AGBL4: variants seen among roughly 807,000 people sequenced by gnomAD.
AGBL4 encodes the protein AGBL carboxypeptidase 4, also known as cytosolic carboxypeptidase 6.
In AGBL4, 58 loss-of-function variants were observed where a neutral mutation model predicts 66.4. That is an observed-to-expected ratio of 0.87 (90% CI 0.71 to 1.09). The LOEUF (loss-of-function observed/expected upper bound fraction) is 1.09. AGBL4 is among the 50% of genes least tolerant of loss of function. The probability of loss-of-function intolerance (pLI) is 0.00; values close to 1 mark genes in which losing one functional copy is unlikely to be tolerated. For synonymous variants in AGBL4, 234 were observed against 222.9 expected (o/e 1.05, Z -0.44); for missense variants, 579 against 631.0 (o/e 0.92, Z 0.88).
intron 5 of AGBL4, among the ~76,000 whole-genome samples, chr1:48,882,353 A>C (rs1298063670): frequency 1.3e-5 from 2 of 152,028 alleles, no homozygotes; most frequent in African/African-American, 4.8e-5. Flanking sequence ...AACAAATTTC[A>C]TTTACTTTTT....
At chr1:49,965,186 A>G (rs1657453592) in intron 1 of AGBL4, among the ~76,000 whole-genome samples, 1 of 152,198 alleles carries the variant, frequency 6.6e-6, no homozygotes, top group African/African-American at 2.4e-5. Flanking sequence ...ATTTCTCACA[A>G]TCCCATGCTC....
intron 4 of AGBL4, 57 bp downstream of exon 4, chr1:49,245,713 T>G (rs1201987596): frequency 3.8e-6 from 5 of 1,308,732 alleles, no homozygotes; most frequent in Non-Finnish European, 5.4e-6. Flanking sequence ...TGTATATGTA[T>G]GGGGTCTGGG....
intron 1 of AGBL4, among the ~76,000 whole-genome samples, chr1:50,016,082 T>C (rs935415251): frequency 2.0e-5 from 3 of 152,126 alleles, no homozygotes; most frequent in Admixed American, 1.3e-4. Flanking sequence ...GATTTGATGA[T>C]GGAGACATGA....
intron 4 of AGBL4, among the ~76,000 whole-genome samples, chr1:49,181,100 G>A (rs1646923281): frequency 6.6e-6 from 1 of 152,030 alleles, no homozygotes; most frequent in Admixed American, 6.6e-5. Context: ...GAGGGACAAG[G>A]ACATATTTAG....
At chr1:49,355,291 T>C (rs1643996722) in intron 3 of AGBL4, among the ~76,000 whole-genome samples, 1 of 152,194 alleles carries the variant, frequency 6.6e-6, no homozygotes, top group Admixed American at 6.5e-5. Context: ...ATTATAAATA[T>C]TAGCAAATGG....
intron 3 of AGBL4, among the ~76,000 whole-genome samples, chr1:49,393,884 AT>A: frequency 6.6e-6 from 1 of 152,320 alleles, no homozygotes; most frequent in South Asian, 2.1e-4. Context: ...TCACAACAAA[AT>A]TTGTTGAACA....
chr1:48,933,414 A>AT (rs1292308887), intron 5 of AGBL4, among the ~76,000 whole-genome samples: 1 of 152,214 alleles, frequency 6.6e-6, no homozygotes, highest in African/African-American at 2.4e-5. Flanking sequence ...CCCATATCAT[A>AT]TCAAGAAGTC....
chr1:49,014,830 G>A (rs996683515), intron 5 of AGBL4, among the ~76,000 whole-genome samples: 6 of 152,132 alleles, frequency 3.9e-5, no homozygotes, highest in African/African-American at 1.4e-4. Context: ...ACTTCTGAGA[G>A]TGAAAGACAA....
intron 4 of AGBL4, among the ~76,000 whole-genome samples, chr1:49,225,128 T>C (rs1012852081): frequency 6.6e-6 from 1 of 152,190 alleles, no homozygotes; most frequent in Non-Finnish European, 1.5e-5. Flanking sequence ...AGTTTATTCA[T>C]TCAATCAACC....
At chr1:50,014,976 A>G (rs1257327112) in intron 1 of AGBL4, among the ~76,000 whole-genome samples, 1 of 152,200 alleles carries the variant, frequency 6.6e-6, no homozygotes, top group Non-Finnish European at 1.5e-5. Flanking sequence ...AATGTTTAAG[A>G]ATCTGAGGAG....
intron 6 of AGBL4, chr1:48,776,839 GCCGGGGGCGGGCC>G (rs1645118673): frequency 1.3e-6 from 2 of 1,495,436 alleles, no homozygotes; most frequent in Admixed American, 2.4e-5. Flanking sequence ...CATGGTGGGC[GCCGGGGGCGGGCC>G]CCGGTCGGGC....
At chr1:49,426,465 C>T (rs1645661650) in intron 3 of AGBL4, among the ~76,000 whole-genome samples, 1 of 152,134 alleles carries the variant, frequency 6.6e-6, no homozygotes, top group Admixed American at 6.6e-5. Context: ...TTTCTGTTAA[C>T]TATATAAACC....
At chr1:48,717,898 A>G (rs1174436260) in intron 6 of AGBL4, among the ~76,000 whole-genome samples, 2 of 152,198 alleles carry the variant, frequency 1.3e-5, no homozygotes, top group African/African-American at 2.4e-5. Flanking sequence ...AATATAGACT[A>G]TAATGCTAAG....
At chr1:49,905,873 G>A (rs1650223156) in intron 1 of AGBL4, among the ~76,000 whole-genome samples, 1 of 151,958 alleles carries the variant, frequency 6.6e-6, no homozygotes, top group Admixed American at 6.6e-5. Flanking sequence ...TACTTCTTGA[G>A]TCTGTATGTA....
At chr1:49,062,477 G>A (rs1375560338) in intron 4 of AGBL4, among the ~76,000 whole-genome samples, 2 of 152,068 alleles carry the variant, frequency 1.3e-5, no homozygotes, top group African/African-American at 2.4e-5. Flanking sequence ...TCCAAGTCTG[G>A]TACATAGTAA....
At chr1:49,114,409 ATGT>A (rs1412709593) in intron 4 of AGBL4, among the ~76,000 whole-genome samples, 1 of 152,226 alleles carries the variant, frequency 6.6e-6, no homozygotes, top group African/African-American at 2.4e-5. Flanking sequence ...GCTTAAGGAA[ATGT>A]TGTGGCTGGT....
At chr1:49,139,554 G>T (rs1481811952) in intron 4 of AGBL4, among the ~76,000 whole-genome samples, 2 of 152,130 alleles carry the variant, frequency 1.3e-5, no homozygotes, top group Admixed American at 1.3e-4. Flanking sequence ...TTGTATGGAG[G>T]CCATCCAATC....
rs182326320 is a variant in AGBL4, at chr1:48,810,999, G to A, written c.634+56192C>T. ...CAACAATGCTTGTAACTGATCCTGCGTGGAGGCCTCTTCCTCCCTCCCTTT... is the reference window on the plus strand; with the variant it reads ...CAACAATGCTTGTAACTGATCCTGCATGGAGGCCTCTTCCTCCCTCCCTTT... On this transcript the variant is annotated intron_variant, in intron 6 of 13. Coordinates refer to ENST00000371839, the MANE Select transcript of AGBL4 (RefSeq NM_032785.4). 4.6e-5 allele frequency among the ~76,000 whole-genome samples: 7 copies of A among 152,258 alleles called. No individual in the cohort carries two copies. In the East Asian group the frequency reaches 1.2e-3, roughly 25 times the overall value.
chr1:48,781,024 G>A (rs941375486), intron 6 of AGBL4, among the ~76,000 whole-genome samples: 2 of 152,160 alleles, frequency 1.3e-5, no homozygotes, highest in Admixed American at 6.5e-5. Context: ...CCCAGTGATC[G>A]AAGGGCAGAA....
Sources: allele counts gnomAD v4.1 joint callset (sites outside exome capture counted in the v4.1 genomes callset), GRCh38; gene constraint gnomAD v4.1.1; transcripts MANE v1.5; gene names NCBI Gene and HGNC (gene_info 2026-07-23, HGNC 2026-07-21).